The following HERPUD2 variants were observed in gnomAD, a reference collection of about 807,000 sequenced individuals.
HERPUD2 encodes homocysteine-responsive endoplasmic reticulum-resident ubiquitin-like domain member 2 protein.
HERPUD2 carries 13 observed loss-of-function variants against 49.9 expected under a neutral mutation model. The observed-to-expected ratio is 0.26, with a 90% CI of 0.17 to 0.41. The LOEUF (loss-of-function observed/expected upper bound fraction) is 0.41. Among genes scored for constraint, HERPUD2 ranks in the 10% least tolerant of loss-of-function variants. The probability of loss-of-function intolerance (pLI) is 1.00; values close to 1 mark genes in which losing one functional copy is unlikely to be tolerated. For missense variants in HERPUD2, 449 were observed against 492.2 expected (o/e 0.91, Z 0.83); for synonymous variants, 172 against 171.4 (o/e 1.00, Z -0.03).
chr7:35,665,737 C>A (rs948863020), intron 5 of HERPUD2, among the ~76,000 whole-genome samples: 14 of 152,168 alleles, frequency 9.2e-5, no homozygotes, highest in Non-Finnish European at 1.5e-4. Context: ...CTTGGCGCCA[C>A]CTATTTCAGA....
chr7:35,655,379 C>A (rs1276011800), intron 5 of HERPUD2, among the ~76,000 whole-genome samples: 1 of 152,136 alleles, frequency 6.6e-6, no homozygotes, highest in Non-Finnish European at 1.5e-5. Flanking sequence ...ACATCATCAT[C>A]AAATGGGATT....
In HERPUD2 at chr7:35,633,668, G is replaced by A; in HGVS notation, c.*22C>T. The A allele has an allele frequency of 1.2e-6, 2 of 1,606,020 alleles. No individual in the cohort carries two copies. Among genetic ancestry groups the A allele is most frequent in the African/African-American group, 1.3e-5 (1 of 74,506 alleles). ...ACTTTCCTGAAGTCAGACCCTCCTT[G>A]TAGCTGGCACAGTTTTTCAGGTCAA... is the stretch of plus-strand genomic sequence containing the variant. On this transcript the variant is annotated 3_prime_UTR_variant, in exon 9 of 9. Coordinates refer to ENST00000311350, the MANE Select transcript of HERPUD2 (RefSeq NM_022373.5).
At chr7:35,652,676 G>C (rs1208674602) in intron 5 of HERPUD2, among the ~76,000 whole-genome samples, 1 of 151,392 alleles carries the variant, frequency 6.6e-6, no homozygotes, top group Non-Finnish European at 1.5e-5. Flanking sequence ...AAGGGAGGAA[G>C]GGAGGGAAGA....
chr7:35,674,602 G>A (rs927251935), intron 2 of HERPUD2, among the ~76,000 whole-genome samples: 1 of 151,724 alleles, frequency 6.6e-6, no homozygotes, highest in Non-Finnish European at 1.5e-5. Flanking sequence ...GTGGCTGGGG[G>A]ACCCTACAAT....
At chr7:35,674,088 A>G (rs1785698318) in intron 2 of HERPUD2, among the ~76,000 whole-genome samples, 1 of 152,054 alleles carries the variant, frequency 6.6e-6, no homozygotes, top group South Asian at 2.1e-4. Context: ...GCCAAATCCA[A>G]GTCACAACTA....
At chr7:35,686,438 C>T (rs1359992057) in intron 2 of HERPUD2, among the ~76,000 whole-genome samples, 1 of 132,320 alleles carries the variant, frequency 7.6e-6, no homozygotes, top group Non-Finnish European at 1.6e-5. Flanking sequence ...CCGCCCACCT[C>T]GGCCTCCCAA....
At chr7:35,676,686 TAA>T (rs1785767353) in intron 2 of HERPUD2, among the ~76,000 whole-genome samples, 1 of 152,212 alleles carries the variant, frequency 6.6e-6, no homozygotes, top group Non-Finnish European at 1.5e-5. Context: ...AAGAGAAACT[TAA>T]ATCCTGAGTT....
intron 2 of HERPUD2, among the ~76,000 whole-genome samples, chr7:35,691,700 G>C (rs553550331): frequency 6.6e-6 from 1 of 152,286 alleles, no homozygotes; most frequent in African/African-American, 2.4e-5. Context: ...GTCATTGCAG[G>C]CGGTCAGAAA....
chr7:35,659,045 G>A (rs990614629), intron 5 of HERPUD2, among the ~76,000 whole-genome samples: 2 of 152,162 alleles, frequency 1.3e-5, no homozygotes, highest in African/African-American at 2.4e-5. Flanking sequence ...TATTGAGAAC[G>A]CTAACCTACA....
chr7:35,640,364 A>G (rs576324914), intron 5 of HERPUD2, among the ~76,000 whole-genome samples: 1 of 152,348 alleles, frequency 6.6e-6, no homozygotes, highest in Admixed American at 6.5e-5. Context: ...CAACTGTAAA[A>G]TGGGAAGGCT....
chr7:35,679,014 G>C (rs1785823567), intron 2 of HERPUD2, among the ~76,000 whole-genome samples: 2 of 152,068 alleles, frequency 1.3e-5, no homozygotes, highest in Admixed American at 1.3e-4. Flanking sequence ...TAGTAGACAG[G>C]TTTAAAACAA....
chr7:35,692,610 TCTAA>T (rs1249193491), intron 2 of HERPUD2, among the ~76,000 whole-genome samples: 1 of 152,224 alleles, frequency 6.6e-6, no homozygotes, highest in Non-Finnish European at 1.5e-5. Flanking sequence ...AAACAGGGGC[TCTAA>T]CTAGTTTAAG....
In HERPUD2 at chr7:35,633,645, T is replaced by G. The variant is rs1784821731; in HGVS notation, c.*45A>C. The G allele has an allele frequency of 6.4e-7, 1 of 1,566,140 alleles. No individual in the cohort carries two copies. Among genetic ancestry groups the G allele is most frequent in the East Asian group, 2.2e-5 (1 of 44,454 alleles). ...GAAATTGCACTGTTATTTAAACCAC[T>G]TTCCTGAAGTCAGACCCTCCTTGTA... On this transcript the variant is annotated 3_prime_UTR_variant, in exon 9 of 9. Coordinates refer to ENST00000311350, the MANE Select transcript of HERPUD2 (RefSeq NM_022373.5).
intron 2 of HERPUD2, among the ~76,000 whole-genome samples, chr7:35,676,846 TTAACAA>T (rs1224978086): frequency 6.6e-6 from 1 of 152,190 alleles, no homozygotes; most frequent in Non-Finnish European, 1.5e-5. Flanking sequence ...TAATCTCAAA[TTAACAA>T]TAACAAGATT....
At chr7:35,674,923 A>G (rs1332983915) in intron 2 of HERPUD2, among the ~76,000 whole-genome samples, 1 of 152,164 alleles carries the variant, frequency 6.6e-6, no homozygotes, top group African/African-American at 2.4e-5. Context: ...TTGTAATAAT[A>G]TCCTTTGTAA....
At chr7:35,649,187 C>CT (rs1648499175) in intron 5 of HERPUD2, among the ~76,000 whole-genome samples, 1 of 151,304 alleles carries the variant, frequency 6.6e-6, no homozygotes, top group Non-Finnish European at 1.5e-5. Flanking sequence ...GGAGGCAGAG[C>CT]TTGCAGTGAG....
chr7:35,657,648 G>T (rs1181945315), intron 5 of HERPUD2, among the ~76,000 whole-genome samples: 2 of 146,790 alleles, frequency 1.4e-5, no homozygotes, highest in African/African-American at 5.1e-5. Flanking sequence ...TGGCTCACGA[G>T]CCTGTAATCC....
intron 5 of HERPUD2, among the ~76,000 whole-genome samples, chr7:35,640,852 A>C (rs1215039462): frequency 6.6e-6 from 1 of 152,182 alleles, no homozygotes; most frequent in African/African-American, 2.4e-5. Flanking sequence ...GAAAAAGATG[A>C]TCAAATCTGT....
At chr7:35,669,538 A>G (rs1319373183) in intron 4 of HERPUD2, among the ~76,000 whole-genome samples, 7 of 152,170 alleles carry the variant, frequency 4.6e-5, no homozygotes, top group African/African-American at 1.4e-4. Flanking sequence ...GAAAGCTTTT[A>G]TGGGAAATCA....
Sources: gnomAD v4.1 joint callset for allele counts (sites outside exome capture counted in the v4.1 genomes callset) on GRCh38, gnomAD v4.1.1 for gene constraint, MANE v1.5 for transcripts, NCBI Gene and HGNC (gene_info 2026-07-23, HGNC 2026-07-21) for gene names.